The following SIN3B variants were observed in gnomAD, a reference collection of about 807,000 sequenced individuals.
SIN3B encodes SIN3 transcription regulator family member B.
SIN3B carries 19 observed loss-of-function variants against 120.2 expected under a neutral mutation model. The observed-to-expected ratio is 0.16, with a 90% CI of 0.11 to 0.23. SIN3B has a LOEUF of 0.23. SIN3B is among the 10% of genes least tolerant of loss of function. The pLI is 1.00. For missense variants in SIN3B, 1,073 were observed against 1,573.0 expected (o/e 0.68, Z 5.38); for synonymous variants, 654 against 653.2 (o/e 1.00, Z -0.02).
At chr19:16,868,655 G>A (rs1971812238) in intron 12 of SIN3B, among the ~76,000 whole-genome samples, 1 of 152,234 alleles carries the variant, frequency 6.6e-6, no homozygotes, top group Non-Finnish European at 1.5e-5. Context: ...CGGTGAGGCT[G>A]GAGGAGCTGT....
intron 3 of SIN3B, among the ~76,000 whole-genome samples, chr19:16,836,997 G>C (rs1466449013): frequency 1.3e-5 from 2 of 152,138 alleles, no homozygotes; most frequent in Non-Finnish European, 2.9e-5. Flanking sequence ...TCAAGGTGGG[G>C]GGTCCGATGA....
Position 16,875,931 on chromosome 19 carries a change from T to TCATCCCTGTGTCATGCACTCTC in SIN3B, c.2593-118_2593-97dup, listed in dbSNP as rs1447481700. 4.2e-6 allele frequency: 5 copies of TCATCCCTGTGTCATGCACTCTC among 1,203,762 alleles called. No homozygotes were observed. In the East Asian group the frequency reaches 1.3e-4, roughly 31 times the overall value. 74.6% of individuals were successfully genotyped at this position (1,203,762 alleles called of 1,614,324 possible). A position where few individuals can be genotyped will look rare whatever the true frequency, so the allele number is the denominator to read the frequency against. On this transcript the variant is annotated intron_variant, in intron 14 of 18. Coordinates refer to ENST00000248054, the MANE Select transcript of SIN3B (RefSeq NM_001297595.2). ...ACAGCCTGTCAGGATTCTGGTCTCT[T>TCATCCCTGTGTCATGCACTCTC]CATCCCTGTGTCATGCACTCTCCAT...
chr19:16,831,667 C>A lies in SIN3B; in HGVS notation c.381+20C>A. ...AGCCAGGTATGCCACTACAGTGGTT[C>A]GGGTGATCTCAGCCTTCACCGAGTA... On this transcript the variant is annotated intron_variant, in intron 3 of 18. Transcript: ENST00000248054. The A allele has an allele frequency of 1.9e-6, 3 of 1,612,102 alleles. No homozygotes were observed. In the South Asian group the frequency reaches 3.3e-5, roughly 18 times the overall value.
At position 16,874,602 on chromosome 19, in the gene SIN3B, GTTTGGTCTGGTCTGGTCTGGT is replaced by G. The variant is rs1460152565; in HGVS notation, c.2593-1433_2593-1413del. ...TCTGGTCTGGTTTGGTGTGGTTTTG[GTTTGGTCTGGTCTGGTCTGGT>G]TTTGGTCTGGTCTGGTCTGATCTGA... On this transcript the variant is annotated intron_variant, in intron 14 of 18. Transcript: ENST00000248054. Among the ~76,000 whole-genome samples the G allele has an allele frequency of 9.4e-5, 14 of 149,150 alleles. No homozygotes were observed. In the East Asian group the frequency reaches 1.8e-3, roughly 19 times the overall value.
rs547296981 is a variant in SIN3B at position 16,857,296 on chromosome 19, C to T, written c.1058+3035C>T. 2.6e-3 allele frequency among the ~76,000 whole-genome samples: 398 copies of T among 152,258 alleles called. 1 individual carries two copies. Among genetic ancestry groups the T allele is most frequent in the South Asian group, 6.0e-3 (29 of 4,822 alleles). On this transcript the variant is annotated intron_variant, in intron 8 of 18. Transcript: ENST00000248054. ...GACGATTCTGGTGATTCAGACGATT[C>T]TGATGTTCTGTTTAGAAATAACTCC...
At chr19:16,852,218 C>T (rs958439899) in intron 6 of SIN3B, among the ~76,000 whole-genome samples, 1 of 152,084 alleles carries the variant, frequency 6.6e-6, no homozygotes, top group Non-Finnish European at 1.5e-5. Context: ...GCTCCGCCTC[C>T]CGGGTTCACG....
In SIN3B at chr19:16,862,969, A is replaced by G. The variant is rs750321022; in HGVS notation, c.1266+410A>G. On this transcript the variant is annotated intron_variant, in intron 9 of 18. Transcript: ENST00000248054. The surrounding 1 kb of genome is among the most constrained non-coding windows in gnomAD (Gnocchi z 4.7). ...AAGAATACCTGCTGGATTCCAGGAT[A>G]TAGTGCAGGGGTCAGCAAACTCTGG... The G allele has an allele frequency of 2.5e-6, 4 of 1,613,938 alleles. No individual in the cohort carries two copies. The highest frequency in any genetic ancestry group is 1.1e-5 in the South Asian group (1 of 91,084).
At chr19:16,865,331 G>T in intron 10 of SIN3B, 79 bp from the exon 11 acceptor site, 2 of 844,012 alleles carry the variant, frequency 2.4e-6, no homozygotes, top group South Asian at 1.7e-5. Context: ...AAATCCTCTG[G>T]TCTCTGAGGT....
intron 1 of SIN3B, 95 bp from the exon 2 acceptor site, chr19:16,829,696 G>C (rs562969240): frequency 9.6e-7 from 1 of 1,046,966 alleles, no homozygotes; most frequent in Non-Finnish European, 1.3e-6. Context: ...TCGGCCCTCC[G>C]AAAGCCCAGC....
chr19:16,865,604 C>T lies in SIN3B; in HGVS notation c.1578C>T (p.Ser526=), dbSNP rs1971758993. The change falls in exon 11 of 19, where the codon AGC becomes AGT. Residue 526 remains serine (S), a synonymous_variant. Transcript: ENST00000248054. ...ACAAGGCCCCGGAGATCATCGAGAGCCTCAAGAAGAACCCTGTCACCGCTG... is the reference window on the plus strand; with the variant it reads ...ACAAGGCCCCGGAGATCATCGAGAGTCTCAAGAAGAACCCTGTCACCGCTG... ...YGDKAPEIIE[S]LKKNPVTAVP... is the part of the protein sequence containing the mutation. The T allele has an allele frequency of 6.2e-7, 1 of 1,612,124 alleles. No homozygotes were observed. The highest frequency in any genetic ancestry group is 8.5e-7 in the Non-Finnish European group (1 of 1,178,972).
At chr19:16,836,180 A>G (rs1455642047) in intron 3 of SIN3B, among the ~76,000 whole-genome samples, 3 of 152,178 alleles carry the variant, frequency 2.0e-5, no homozygotes, top group Admixed American at 6.5e-5. Context: ...GTATTTGAGC[A>G]GCCTCCCTGG....
chr19:16,867,419 G>C (rs975876655), intron 12 of SIN3B, among the ~76,000 whole-genome samples: 1 of 152,224 alleles, frequency 6.6e-6, no homozygotes, highest in Non-Finnish European at 1.5e-5. Context: ...GTTGCCAGGA[G>C]CTGGGCCTGT....
In SIN3B at chr19:16,862,999, C is replaced by T. The variant is rs747455134; in HGVS notation, c.1266+440C>T. On this transcript the variant is annotated intron_variant, in intron 9 of 18. Transcript: ENST00000248054. The surrounding 1 kb of genome is among the most constrained non-coding windows in gnomAD (Gnocchi z 4.7). ...GCAGGGGTCAGCAAACTCTGGCCCA[C>T]GGGCCCTGGCCCGCTGCCCGTGTTT... The T allele has an allele frequency of 2.1e-5, 33 of 1,571,182 alleles. No individual in the cohort carries two copies. The highest frequency in any genetic ancestry group is 1.7e-4 in the Middle Eastern group (1 of 6,000).
chr19:16,846,925 ACT>A, intron 4 of SIN3B, 43 bp from the exon 5 acceptor site: 1 of 1,594,588 alleles, frequency 6.3e-7, no homozygotes, highest in Non-Finnish European at 8.6e-7. Context: ...AGGGCACAGC[ACT>A]CCTTGACTAA....
intron 2 of SIN3B, among the ~76,000 whole-genome samples, chr19:16,830,395 G>A (rs1473662262): frequency 6.6e-6 from 1 of 152,134 alleles, no homozygotes; most frequent in Non-Finnish European, 1.5e-5. Context: ...TAAGGGAGCT[G>A]GCACACAGAA....
In SIN3B at chr19:16,862,913, G is replaced by A. The variant is rs143287291; in HGVS notation, c.1266+354G>A. The A allele has an allele frequency of 8.5e-3, 13,724 of 1,614,110 alleles. 78 individuals are homozygous for A. The highest frequency in any genetic ancestry group is 0.018 in the Middle Eastern group (112 of 6,060). ...ACCATTGGACACTTCTCCAGGGTTC[G>A]TGGACAGACGATTACTGCATGTCCA... On this transcript the variant is annotated intron_variant, in intron 9 of 18. Coordinates refer to ENST00000248054, the MANE Select transcript of SIN3B (RefSeq NM_001297595.2). The surrounding 1 kb of genome is among the most constrained non-coding windows in gnomAD (Gnocchi z 4.7).
chr19:16,846,213 G>C (rs1971476535), intron 4 of SIN3B: 1 of 152,218 alleles, frequency 6.6e-6, no homozygotes, highest in Admixed American at 6.5e-5. Context: ...TGACTTTTTG[G>C]AAGGGTGGTG....
chr19:16,873,249 C>T (rs555482062), intron 14 of SIN3B, among the ~76,000 whole-genome samples: 9 of 152,254 alleles, frequency 5.9e-5, no homozygotes, highest in South Asian at 2.1e-4. Context: ...GTTTCCGTTG[C>T]GTCTGCCTTG....
chr19:16,854,150 G>T lies in SIN3B; in HGVS notation c.947G>T (p.Arg316Leu), dbSNP rs779413580. Residue 316 changes from arginine to leucine, a missense_variant, in exon 8 of 19, where the codon CGG (arginine) becomes CTG (leucine). This residue lies in a region of SIN3B where 395 missense variants were observed against 528.0 expected (regional missense o/e 0.75). Coordinates refer to ENST00000248054, the MANE Select transcript of SIN3B (RefSeq NM_001297595.2). ...QEFSFFDKVR[R>L]VLKSQEVYEN... ...TGACTGCTCTCTCTGCAGGTCCGCC[G>T]GGTGCTGAAGAGCCAGGAGGTGTAT... The T allele has an allele frequency of 1.1e-5, 18 of 1,611,008 alleles. No homozygotes were observed. In the African/African-American group the frequency reaches 2.3e-4, roughly 20 times the overall value.
Sources: gnomAD v4.1 joint callset for allele counts (sites outside exome capture counted in the v4.1 genomes callset) on GRCh38, gnomAD v4.1.1 for gene constraint, gnomAD v4.1.1 regional missense constraint, Gnocchi (gnomAD v3.1) non-coding constraint, MANE v1.5 for transcripts, NCBI Gene and HGNC (gene_info 2026-07-23, HGNC 2026-07-21) for gene names.